Variants in OGDHL observed in about 807,000 individuals in gnomAD.
OGDHL encodes oxoglutarate dehydrogenase L, also known as 2-oxoglutarate dehydrogenase-like, mitochondrial.
Under a neutral mutation model 109.6 loss-of-function variants are expected in OGDHL, and 79 were observed. The observed-to-expected ratio is 0.72, with a 90% CI of 0.60 to 0.87. The LOEUF is 0.87. Among genes scored for constraint, OGDHL ranks in the 40% least tolerant of loss-of-function variants. OGDHL has a pLI of 0.00. For synonymous variants in OGDHL, 528 were observed against 537.2 expected (o/e 0.98, Z 0.24); for missense variants, 1,275 against 1,362.2 (o/e 0.94, Z 1.01).
chr10:49,761,601 G>C (rs927928937), intron 1 of OGDHL, among the ~76,000 whole-genome samples: 3 of 152,222 alleles, frequency 2.0e-5, no homozygotes, highest in African/African-American at 7.2e-5. Context: ...GGGCCTGCTT[G>C]AGCCAGGTGG....
At chr10:49,751,736 T>C (rs1258183) in intron 6 of OGDHL, 91 bp downstream of exon 6, 1,044,067 of 1,478,686 alleles carry the variant, frequency 0.71, 370,936 homozygotes, top group East Asian at 0.94. Context: ...CTTCCTGTGG[T>C]ACCCTCCTGC....
chr10:49,745,911 C>T lies in OGDHL; in HGVS notation c.1363G>A (p.Val455Ile). The change falls in exon 11 of 23, where the codon GTC becomes ATC. Residue 455 changes from valine to isoleucine, a missense_variant. Val to Ile is a conservative substitution (Grantham distance 29, BLOSUM62 3). Coordinates refer to ENST00000374103, the MANE Select transcript of OGDHL (RefSeq NM_018245.3). Reference protein sequence around the residue: ...SPYPTDVARVVNAPIFHVNAD... With the variant: ...SPYPTDVARVINAPIFHVNAD... The stretch of plus-strand genomic sequence containing the variant: ...TTCACATGGAAGATAGGCGCATTGA[C>T]CACCCGGGCCACGTCGGTCGGGTAT... The T allele has an allele frequency of 6.2e-7, 1 of 1,614,226 alleles. No homozygotes were observed. Among genetic ancestry groups the T allele is most frequent in the Non-Finnish European group, 8.5e-7 (1 of 1,180,048 alleles).
At chr10:49,755,497 G>A (rs1374458969) in intron 3 of OGDHL, among the ~76,000 whole-genome samples, 1 of 152,184 alleles carries the variant, frequency 6.6e-6, no homozygotes, top group African/African-American at 2.4e-5. Context: ...TTGATGGGTG[G>A]TGGGCTCACT....
At chr10:49,750,690 C>T in intron 7 of OGDHL, 149 bp downstream of exon 7, 2 of 1,126,466 alleles carry the variant, frequency 1.8e-6, no homozygotes, top group African/African-American at 3.1e-5. Flanking sequence ...GACGAGCAGG[C>T]CAGGCCCAGG....
intron 1 of OGDHL, among the ~76,000 whole-genome samples, chr10:49,760,512 A>T (rs1843204919): frequency 6.6e-6 from 1 of 152,258 alleles, no homozygotes; most frequent in South Asian, 2.1e-4. Flanking sequence ...AGAATCTTCT[A>T]GAGCATCAAA....
Position 49,735,185 on chromosome 10 carries a change from C to A in OGDHL, c.*43G>T. 6.5e-7 allele frequency: 1 copy of A among 1,532,142 alleles called. No homozygotes were observed. The highest frequency in any genetic ancestry group is 1.2e-5 in the South Asian group (1 of 81,968). 94.9% of individuals were successfully genotyped at this position (1,532,142 alleles called of 1,614,324 possible). A position where few individuals can be genotyped will look rare whatever the true frequency, so the allele number is the denominator to read the frequency against. ...TCCCCTTTTCATCACCCCCTTGGTC[C>A]CCAGCAAACCCACAGCGAGACCTAC... On this transcript the variant is annotated 3_prime_UTR_variant, in exon 23 of 23. Coordinates refer to ENST00000374103, the MANE Select transcript of OGDHL (RefSeq NM_018245.3).
At chr10:49,755,575 A>G (rs964689486) in intron 3 of OGDHL, among the ~76,000 whole-genome samples, 10 of 151,914 alleles carry the variant, frequency 6.6e-5, no homozygotes, top group African/African-American at 2.2e-4. Flanking sequence ...TTTTCAGCAC[A>G]GTGTGCAGGT....
In OGDHL at chr10:49,744,644, G is replaced by T; in HGVS notation, c.1732+6C>A. Reference sequence around the variant, plus strand: ...AGTCCCTCTGAGCCACACACTGCTCGCTCACCAGGCCAGGGGGAGTCCAAC... The same window carrying T: ...AGTCCCTCTGAGCCACACACTGCTCTCTCACCAGGCCAGGGGGAGTCCAAC... On this transcript the variant is annotated splice_donor_region_variant and intron_variant, in intron 13 of 22. Coordinates refer to ENST00000374103, the MANE Select transcript of OGDHL (RefSeq NM_018245.3). 6.2e-7 allele frequency: 1 copy of T among 1,612,112 alleles called. No homozygotes were observed. Among genetic ancestry groups the T allele is most frequent in the Non-Finnish European group, 8.5e-7 (1 of 1,178,222 alleles).
At chr10:49,746,095 A>G in intron 10 of OGDHL, 118 bp from the exon 11 acceptor site, 1 of 1,146,918 alleles carries the variant, frequency 8.7e-7, no homozygotes, top group Non-Finnish European at 1.2e-6. Flanking sequence ...CCCAGGAGGA[A>G]TGTGGGACAC....
intron 17 of OGDHL, 42 bp from the exon 18 acceptor site, chr10:49,738,304 G>A: frequency 6.2e-7 from 1 of 1,607,994 alleles, no homozygotes; most frequent in Non-Finnish European, 8.5e-7. Flanking sequence ...ACCCCACCAT[G>A]GGAAAGACAT....
chr10:49,759,292 T>A (rs374302488), intron 1 of OGDHL, among the ~76,000 whole-genome samples: 1 of 151,864 alleles, frequency 6.6e-6, no homozygotes, highest in African/African-American at 2.4e-5. Flanking sequence ...GGCTAAGGTC[T>A]GGAGGGGCAG....
At chr10:49,761,647 A>T (rs1325991467) in intron 1 of OGDHL, among the ~76,000 whole-genome samples, 1 of 152,208 alleles carries the variant, frequency 6.6e-6, no homozygotes, top group Non-Finnish European at 1.5e-5. Flanking sequence ...GGTTCGGCGA[A>T]TGCGTACTGC....
At position 49,744,155 on chromosome 10, in the gene OGDHL, T is replaced by C. The variant is rs780671407; in HGVS notation, c.1733-33A>G. ...GGAGAGAGGCTCTGTCCACACTGTG[T>C]CAGTGGTGGGTTCTGATCCCCCTGG... On this transcript the variant is annotated intron_variant, in intron 13 of 22. Transcript: ENST00000374103. 41 of 1,609,778 alleles carry C rather than the reference T, an allele frequency of 2.5e-5. No individual in the cohort carries two copies. In the East Asian group the frequency reaches 3.6e-4, roughly 14 times the overall value.
intron 1 of OGDHL, among the ~76,000 whole-genome samples, chr10:49,759,375 C>G (rs1843126027): frequency 6.6e-6 from 1 of 152,064 alleles, no homozygotes. Flanking sequence ...CAGGCAGGTA[C>G]AGACTGGAAG....
chr10:49,737,865 G>A lies in OGDHL; in HGVS notation c.2518-7C>T. The A allele has an allele frequency of 6.2e-7, 1 of 1,614,232 alleles. No individual in the cohort carries two copies. On this transcript the variant is annotated splice_region_variant and splice_polypyrimidine_tract_variant and intron_variant, in intron 19 of 22. Transcript: ENST00000374103. The stretch of plus-strand genomic sequence containing the variant: ...TAGGTGTGAAGATAATCAGCTGGAA[G>A]GGAAATACACGCCCAGCTGCCAGCT...
intron 17 of OGDHL, 65 bp downstream of exon 17, chr10:49,739,596 T>C: frequency 6.4e-7 from 1 of 1,553,438 alleles, no homozygotes; most frequent in South Asian, 1.2e-5. Context: ...GGGCCCAGGG[T>C]CCATCCCGCC....
At chr10:49,739,616 C>T in intron 17 of OGDHL, 45 bp downstream of exon 17, 2 of 1,591,290 alleles carry the variant, frequency 1.3e-6, no homozygotes, top group South Asian at 1.2e-5. Flanking sequence ...CCCTTCAAGG[C>T]CCGCCAGAAC....
intron 3 of OGDHL, among the ~76,000 whole-genome samples, chr10:49,754,173 T>C (rs1842777669): frequency 6.6e-6 from 1 of 152,148 alleles, no homozygotes. Flanking sequence ...ACCTGGACAG[T>C]TCTGGAATAG....
intron 11 of OGDHL, 142 bp downstream of exon 11, chr10:49,745,656 C>T (rs2133027443): frequency 3.8e-6 from 5 of 1,300,092 alleles, no homozygotes; most frequent in Admixed American, 2.1e-5. Context: ...CAGGCCTTTG[C>T]ACAGATTGCT....
Sources: allele counts gnomAD v4.1 joint callset (sites outside exome capture counted in the v4.1 genomes callset), GRCh38; gene constraint gnomAD v4.1.1; transcripts MANE v1.5; gene names NCBI Gene and HGNC (gene_info 2026-07-23, HGNC 2026-07-21).